XPO4: variants seen among roughly 807,000 people sequenced by gnomAD.
The protein encoded by XPO4 is exportin 4.
Under a neutral mutation model 143.0 loss-of-function variants are expected in XPO4, and 39 were observed. That is an observed-to-expected ratio of 0.27 (90% CI 0.21 to 0.36). XPO4 has a LOEUF of 0.36. Among genes scored for constraint, XPO4 ranks in the 10% least tolerant of loss-of-function variants. The probability of loss-of-function intolerance (pLI) is 1.00; values close to 1 mark genes in which losing one functional copy is unlikely to be tolerated. For missense variants in XPO4, 907 were observed against 1,348.0 expected, an observed-to-expected ratio of 0.67 and a Z score of 5.12; for synonymous variants, 439 against 474.0, an observed-to-expected ratio of 0.93 and a Z score of 0.96.
intron 9 of XPO4, among the ~76,000 whole-genome samples, chr13:20,819,537 G>A (rs1209313694): frequency 6.6e-6 from 1 of 152,098 alleles, no homozygotes; most frequent in East Asian, 1.9e-4. Flanking sequence ...GCGCATGCCT[G>A]TAATCCCAGC....
intron 1 of XPO4, among the ~76,000 whole-genome samples, chr13:20,886,065 A>G (rs1397038323): frequency 6.6e-6 from 1 of 152,258 alleles, no homozygotes; most frequent in Non-Finnish European, 1.5e-5. Context: ...AGACAGAAGT[A>G]TCTAATGAAT....
At chr13:20,817,703 T>C (rs2137936037) in intron 9 of XPO4, among the ~76,000 whole-genome samples, 1 of 152,336 alleles carries the variant, frequency 6.6e-6, no homozygotes, top group Middle Eastern at 3.4e-3. Flanking sequence ...CTAGTCATAT[T>C]CTCCTTGAAT....
intron 9 of XPO4, among the ~76,000 whole-genome samples, chr13:20,813,037 G>A (rs1002905120): frequency 6.6e-6 from 1 of 152,144 alleles, no homozygotes; most frequent in Non-Finnish European, 1.5e-5. Context: ...TGACTGGGAG[G>A]CCTCAGGAAA....
intron 1 of XPO4, 34 bp downstream of exon 1, chr13:20,902,636 G>A (rs772373058): frequency 1.6e-5 from 25 of 1,527,026 alleles, no homozygotes; most frequent in Non-Finnish European, 2.2e-5. Context: ...GGGGGCCCGC[G>A]AATCCCGGGG....
At chr13:20,859,777 A>G (rs2060179731) in intron 3 of XPO4, 1 of 843,644 alleles carries the variant, frequency 1.2e-6, no homozygotes, top group Non-Finnish European at 1.4e-6. Flanking sequence ...CTCTGTCTCA[A>G]AAAAAATTAA....
chr13:20,840,178 A>T (rs998996455), intron 6 of XPO4, among the ~76,000 whole-genome samples: 2 of 152,026 alleles, frequency 1.3e-5, no homozygotes, highest in African/African-American at 2.4e-5. Flanking sequence ...TTATTTGTCT[A>T]TCCTAAGAGA....
chr13:20,887,333 T>C (rs957296647), intron 1 of XPO4, among the ~76,000 whole-genome samples: 1 of 152,188 alleles, frequency 6.6e-6, no homozygotes, highest in African/African-American at 2.4e-5. Context: ...AGGTGATGGA[T>C]ATGTTAATTA....
At chr13:20,826,619 A>G (rs1003870749) in intron 7 of XPO4, among the ~76,000 whole-genome samples, 3 of 152,238 alleles carry the variant, frequency 2.0e-5, no homozygotes, top group African/African-American at 7.2e-5. Context: ...AAAAATGCAA[A>G]ACAATGCTAT....
Position 20,902,717 on chromosome 13 carries a change from GC to G in XPO4, c.21del (p.Pro9GlnfsTer3), listed in dbSNP as rs1477175666. MMAAAL[G>X]PPEVIAQLEN... is the part of the protein sequence containing the mutation. ...TCCAGCTGAGCGATCACTTCTGGGG[GC>G]CCCAGCGCCGCCGCCATCATGGTCT... On this transcript the variant is annotated frameshift_variant, in exon 1 of 23. Coordinates refer to ENST00000255305, the MANE Select transcript of XPO4 (RefSeq NM_022459.5). LOFTEE classifies it high-confidence loss of function. 45 of 1,558,284 alleles carry G rather than the reference GC, an allele frequency of 2.9e-5. No homozygotes were observed. Among genetic ancestry groups the G allele is most frequent in the Non-Finnish European group, 3.6e-5 (42 of 1,151,412 alleles).
chr13:20,894,944 G>A (rs571473638), intron 1 of XPO4, among the ~76,000 whole-genome samples: 3 of 151,720 alleles, frequency 2.0e-5, no homozygotes, highest in East Asian at 1.9e-4. Flanking sequence ...CTGGAAGGCC[G>A]AGGCGAGCGG....
chr13:20,830,840 A>G (rs2059844253), intron 6 of XPO4, among the ~76,000 whole-genome samples: 1 of 152,130 alleles, frequency 6.6e-6, no homozygotes, highest in South Asian at 2.1e-4. Context: ...CTTACTATGC[A>G]TTGTATAATG....
intron 6 of XPO4, among the ~76,000 whole-genome samples, chr13:20,838,645 T>C (rs988460162): frequency 2.0e-5 from 3 of 151,410 alleles, no homozygotes; most frequent in Admixed American, 6.6e-5. Context: ...AAATTACATT[T>C]TGGTCTTGTT....
At chr13:20,818,691 T>A (rs1198636240) in intron 9 of XPO4, among the ~76,000 whole-genome samples, 1 of 152,216 alleles carries the variant, frequency 6.6e-6, no homozygotes, top group African/African-American at 2.4e-5. Flanking sequence ...CAACAGTTGT[T>A]CTTATGTGGT....
At chr13:20,818,774 T>C (rs1414796630) in intron 9 of XPO4, among the ~76,000 whole-genome samples, 4 of 152,160 alleles carry the variant, frequency 2.6e-5, no homozygotes, top group Non-Finnish European at 4.4e-5. Flanking sequence ...CTACATGTTA[T>C]TGCTTGTAAT....
intron 4 of XPO4, among the ~76,000 whole-genome samples, chr13:20,853,868 G>T (rs2060114754): frequency 6.6e-6 from 1 of 152,224 alleles, no homozygotes; most frequent in Non-Finnish European, 1.5e-5. Flanking sequence ...ATATTGGGGA[G>T]CACAGACATA....
chr13:20,901,649 T>C (rs2060621622), intron 1 of XPO4, among the ~76,000 whole-genome samples: 1 of 152,178 alleles, frequency 6.6e-6, no homozygotes, highest in South Asian at 2.1e-4. Flanking sequence ...TGGTGTAAAA[T>C]ATTAGAACTA....
chr13:20,852,647 A>G, intron 4 of XPO4: 1 of 965,268 alleles, frequency 1.0e-6, no homozygotes, highest in African/African-American at 1.8e-5. Flanking sequence ...TAACATTTAA[A>G]TAATGATTAT....
chr13:20,809,743 A>G, intron 10 of XPO4, 48 bp downstream of exon 10: 2 of 1,533,470 alleles, frequency 1.3e-6, no homozygotes, highest in Non-Finnish European at 1.8e-6. Context: ...GGTAAAATAT[A>G]GCCTATGATG....
chr13:20,800,351 A>G, intron 14 of XPO4, 26 bp from the exon 15 acceptor site: 1 of 1,591,456 alleles, frequency 6.3e-7, no homozygotes, highest in Middle Eastern at 1.7e-4. Flanking sequence ...AAATTTTTTA[A>G]GGTAAGCAAG....
Sources: allele counts gnomAD v4.1 joint callset (sites outside exome capture counted in the v4.1 genomes callset), GRCh38; gene constraint gnomAD v4.1.1; transcripts MANE v1.5; gene names NCBI Gene and HGNC (gene_info 2026-07-23, HGNC 2026-07-21).